BACH1: variants seen among roughly 807,000 people sequenced by gnomAD.
BACH1 encodes the protein transcription regulator protein BACH1.
Under a neutral mutation model 52.9 loss-of-function variants are expected in BACH1, and 35 were observed. The ratio of observed to expected loss-of-function variants is 0.66; its 90% CI spans 0.51 to 0.88. The LOEUF is 0.88. Among genes scored for constraint, BACH1 ranks in the 40% least tolerant of loss-of-function variants. The probability of loss-of-function intolerance (pLI) is 0.00; values close to 1 mark genes in which losing one functional copy is unlikely to be tolerated. For synonymous variants in BACH1, 321 were observed against 319.6 expected, an observed-to-expected ratio of 1.00 and a Z score of -0.05; for missense variants, 808 against 872.6, an observed-to-expected ratio of 0.93 and a Z score of 0.93.
chr21:29,306,267 T>G (rs2088656481), intron 1 of BACH1, among the ~76,000 whole-genome samples: 1 of 151,968 alleles, frequency 6.6e-6, no homozygotes, highest in Non-Finnish European at 1.5e-5. Context: ...GTCCTTGTTT[T>G]GTCCTTGGCA....
intron 2 of BACH1, among the ~76,000 whole-genome samples, chr21:29,359,961 A>G (rs907655352): frequency 3.3e-5 from 5 of 152,160 alleles, no homozygotes; most frequent in African/African-American, 9.7e-5. Context: ...AGATTCACTG[A>G]GTCAGACTAA....
intron 4 of BACH1, among the ~76,000 whole-genome samples, chr21:29,340,479 G>A (rs2089098555): frequency 1.3e-5 from 2 of 152,174 alleles, no homozygotes; most frequent in Admixed American, 1.3e-4. Context: ...TGGATATTAA[G>A]ATACAGAAGT....
intron 1 of BACH1, among the ~76,000 whole-genome samples, chr21:29,301,776 GT>G (rs909646691): frequency 4.4e-4 from 66 of 151,032 alleles, no homozygotes; most frequent in Middle Eastern, 6.8e-3. Flanking sequence ...CTTGAAGTCT[GT>G]TTTTTTTTGT....
intron 1 of BACH1, among the ~76,000 whole-genome samples, chr21:29,314,587 A>T (rs2088765032): frequency 6.6e-6 from 1 of 152,122 alleles, no homozygotes; most frequent in East Asian, 1.9e-4. Context: ...AATTGTAGTG[A>T]TTCCCTCCCA....
chr21:29,327,567 C>G (rs1358188784), intron 3 of BACH1, among the ~76,000 whole-genome samples, 174 bp downstream of exon 3: 1 of 152,184 alleles, frequency 6.6e-6, no homozygotes, highest in Non-Finnish European at 1.5e-5. Context: ...TGGCCCACAA[C>G]TGTTAATTCC....
chr21:29,326,633 G>A lies in BACH1; in HGVS notation c.809G>A (p.Cys270Tyr), dbSNP rs746048388. 1.2e-6 allele frequency: 2 copies of A among 1,614,238 alleles called. No homozygotes were observed. Among genetic ancestry groups the A allele is most frequent in the Non-Finnish European group, 8.5e-7 (1 of 1,180,040 alleles). ...GAATGCCTGGGAGGAGTCCCGGAGTGTAGAGATTTGCAGGTGATGTTAAAA... is the reference window on the plus strand; with the variant it reads ...GAATGCCTGGGAGGAGTCCCGGAGTATAGAGATTTGCAGGTGATGTTAAAA... Reference protein sequence around the residue: ...ENECLGGVPECRDLQVMLKCD... With the variant: ...ENECLGGVPEYRDLQVMLKCD... Residue 270 changes from cysteine to tyrosine, a missense_variant, in exon 3 of 5, where the codon TGT becomes TAT. Physicochemically the swap from Cys to Tyr is radical, Grantham distance 194. Transcript: ENST00000286800.
rs1417881108 is a variant in BACH1, at chr21:29,346,118, A to G, written c.*3285A>G. 6.6e-6 allele frequency: 1 copy of G among 152,442 alleles called. No homozygotes were observed. Among genetic ancestry groups the G allele is most frequent in the Non-Finnish European group, 1.5e-5 (1 of 68,048 alleles). 9.4% of individuals were successfully genotyped at this position (152,442 alleles called of 1,614,324 possible). A position where few individuals can be genotyped will look rare whatever the true frequency, so the allele number is the denominator to read the frequency against. ...ATGTTGGTGATAAGTTGACAGTTAA[A>G]TAAAATTCTCTAAAATTGCTTCTAA... is the stretch of plus-strand genomic sequence containing the variant. On this transcript the variant is annotated 3_prime_UTR_variant, in exon 5 of 5. Transcript: ENST00000286800.
intron 1 of BACH1, among the ~76,000 whole-genome samples, chr21:29,303,473 A>G (rs976014987): frequency 2.0e-5 from 3 of 152,168 alleles, no homozygotes; most frequent in Non-Finnish European, 4.4e-5. Context: ...TGATTTTGAA[A>G]CTTGGGAATG....
intron 2 of BACH1, chr21:29,352,497 C>G (rs1447207498): frequency 2.0e-5 from 3 of 152,124 alleles, no homozygotes; most frequent in African/African-American, 7.2e-5. Flanking sequence ...GTAAGACTGA[C>G]TCAAACTTCT....
chr21:29,330,341 T>A (rs1022714794), intron 4 of BACH1, among the ~76,000 whole-genome samples: 13 of 151,908 alleles, frequency 8.6e-5, no homozygotes, highest in East Asian at 1.9e-4. Flanking sequence ...ATTTTTTTTT[T>A]AATTTATTTT....
rs140714068 is a variant in BACH1 at position 29,357,499 on chromosome 21, G to T, written c.472+27806G>T. Among the ~76,000 whole-genome samples, 22 of 152,314 alleles carry T rather than the reference G, an allele frequency of 1.4e-4. 1 individual carries two copies. The East Asian group carries it at 4.2e-3, about 29-fold the overall frequency. ...ATGAGTAGCGCCTGGTATCTGAGTA[G>T]GTGGTTGTCTGATAGCCATAAACTT... On this transcript the variant is annotated intron_variant, in intron 2 of 4. Transcript: ENST00000422809.
At position 29,342,929 on chromosome 21, in the gene BACH1, GT is replaced by G. The variant is rs1010739740; in HGVS notation, c.*103del. 4.0e-6 allele frequency: 5 copies of G among 1,235,082 alleles called. No homozygotes were observed. The highest frequency in any genetic ancestry group is 4.4e-6 in the Non-Finnish European group (4 of 912,264). 76.5% of individuals were successfully genotyped at this position (1,235,082 alleles called of 1,614,324 possible). ...TGACCATCTGTTGCTCAACAATACT[GT>G]TTTTTTCCTTTAGTAGTTTACCATA... On this transcript the variant is annotated 3_prime_UTR_variant, in exon 5 of 5. Transcript: ENST00000286800.
chr21:29,337,059 A>C (rs2089053769), intron 4 of BACH1, among the ~76,000 whole-genome samples: 1 of 152,146 alleles, frequency 6.6e-6, no homozygotes, highest in Non-Finnish European at 1.5e-5. Context: ...ATTTGTTAGG[A>C]TAAGTAATAG....
intron 1 of BACH1, among the ~76,000 whole-genome samples, chr21:29,309,856 CT>C (rs1254601410): frequency 6.6e-6 from 1 of 152,050 alleles, no homozygotes; most frequent in African/African-American, 2.4e-5. Context: ...GTGTTTAACA[CT>C]TCATATTTTT....
At chr21:29,335,315 C>G (rs1463472035) in intron 4 of BACH1, among the ~76,000 whole-genome samples, 1 of 152,174 alleles carries the variant, frequency 6.6e-6, no homozygotes, top group Admixed American at 6.5e-5. Flanking sequence ...GGATGAAAAG[C>G]TGTTTGTACT....
chr21:29,351,739 G>C (rs765198795), intron 2 of BACH1: 8 of 534,712 alleles, frequency 1.5e-5, no homozygotes, highest in Non-Finnish European at 2.3e-5. Context: ...ACATCTGGGA[G>C]GGAAGCTTAA....
chr21:29,317,726 G>T (rs950020131), intron 1 of BACH1, among the ~76,000 whole-genome samples: 1 of 152,162 alleles, frequency 6.6e-6, no homozygotes, highest in Non-Finnish European at 1.5e-5. Flanking sequence ...GGCTTTAGGG[G>T]TATAAGGCTT....
At chr21:29,360,853 A>C (rs1391439648) in intron 2 of BACH1, among the ~76,000 whole-genome samples, 1 of 151,250 alleles carries the variant, frequency 6.6e-6, no homozygotes, top group Non-Finnish European at 1.5e-5. Context: ...CTCAAAAAAA[A>C]AAAAAAAACA....
chr21:29,310,188 A>G (rs1340482967), intron 1 of BACH1, among the ~76,000 whole-genome samples: 1 of 152,230 alleles, frequency 6.6e-6, no homozygotes, highest in Non-Finnish European at 1.5e-5. Context: ...AAAGGGGGAA[A>G]ATGTAATTGG....
Sources: gnomAD v4.1 joint callset for allele counts (sites outside exome capture counted in the v4.1 genomes callset) on GRCh38, gnomAD v4.1.1 for gene constraint, MANE v1.5 for transcripts, NCBI Gene and HGNC (gene_info 2026-07-23, HGNC 2026-07-21) for gene names.